Variants in GRM5 observed in about 807,000 individuals in gnomAD.
GRM5 encodes the protein glutamate metabotropic receptor 5.
GRM5 carries 19 observed loss-of-function variants against 83.1 expected under a neutral mutation model. The observed-to-expected ratio is 0.23, with a 90% CI of 0.16 to 0.34. GRM5 has a LOEUF of 0.34. Ranked by LOEUF, GRM5 falls within the 10% of genes least tolerant of loss-of-function variation. The pLI is 1.00. For missense variants in GRM5, 1,160 were observed against 1,588.3 expected (o/e 0.73, Z 4.58); for synonymous variants, 675 against 633.6 (o/e 1.07, Z -0.98).
rs149521427 is a variant in GRM5, at chr11:88,718,208, A to G, written c.912-64805T>C. Among the ~76,000 whole-genome samples the G allele has an allele frequency of 2.0e-3, 306 of 152,036 alleles. 1 individual carries two copies. The highest frequency in any genetic ancestry group is 6.8e-3 in the African/African-American group (283 of 41,540). On this transcript the variant is annotated intron_variant, in intron 3 of 9. Transcript: ENST00000305447. ...TACTCTTTCACAAGTCAATGCCTAT[A>G]TATGTGATTCCATTTGCCTGCAATC...
rs981814526 is a variant in GRM5 at position 89,047,159 on chromosome 11, G to T, written c.661+53C>A. The T allele has an allele frequency of 1.5e-6, 2 of 1,355,108 alleles. No individual in the cohort carries two copies. The highest frequency in any genetic ancestry group is 2.0e-6 in the Non-Finnish European group (2 of 980,510). 83.9% of individuals were successfully genotyped at this position (1,355,108 alleles called of 1,614,324 possible). A position where few individuals can be genotyped will look rare whatever the true frequency, so the allele number is the denominator to read the frequency against. The stretch of plus-strand genomic sequence containing the variant: ...GTTTACTCTTCCCAAACCTGAAATT[G>T]TAACTGTTGAGTGCATAATAATATA... On this transcript the variant is annotated intron_variant, in intron 2 of 9. Transcript: ENST00000305447. This position sits in a 1 kb window ranked among gnomAD's most constrained non-coding sequence, Gnocchi z 5.1.
At chr11:88,619,794 A>G (rs1317876432) in intron 4 of GRM5, among the ~76,000 whole-genome samples, 1 of 152,110 alleles carries the variant, frequency 6.6e-6, no homozygotes, top group East Asian at 1.9e-4. Flanking sequence ...TTCTGTACCC[A>G]TTAGTAAGGA....
chr11:88,896,371 C>T (rs574623787), intron 2 of GRM5, among the ~76,000 whole-genome samples: 12 of 150,200 alleles, frequency 8.0e-5, no homozygotes, highest in South Asian at 6.3e-4. Context: ...GAAAGGGATA[C>T]GAAAAAAAGG....
chr11:88,559,814 G>T (rs1310269695), intron 8 of GRM5, among the ~76,000 whole-genome samples: 1 of 152,164 alleles, frequency 6.6e-6, no homozygotes, highest in Non-Finnish European at 1.5e-5. Flanking sequence ...GTCTAGAGAT[G>T]ATGGTGCAAA....
At chr11:88,816,113 TGAGGCA>T (rs1943673615) in intron 3 of GRM5, among the ~76,000 whole-genome samples, 1 of 142,168 alleles carries the variant, frequency 7.0e-6, no homozygotes, top group East Asian at 2.0e-4. Context: ...CTCGGGAGGC[TGAGGCA>T]GGAGAATGGC....
rs115306344 is a variant in GRM5 at position 88,712,381 on chromosome 11, G to A, written c.912-58978C>T. Among the ~76,000 whole-genome samples, 525 of 152,064 alleles carry A rather than the reference G, an allele frequency of 3.5e-3. 2 individuals carry two copies. The highest frequency in any genetic ancestry group is 0.012 in the African/African-American group (483 of 41,488). ...GAGCCAACATTCTCTGCAGTCTAGGGTGTTTGTTATGGTTTGGTAGAGAAA... is the reference window on the plus strand; with the variant it reads ...GAGCCAACATTCTCTGCAGTCTAGGATGTTTGTTATGGTTTGGTAGAGAAA... On this transcript the variant is annotated intron_variant, in intron 3 of 9. Transcript: ENST00000305447.
intron 2 of GRM5, among the ~76,000 whole-genome samples, chr11:88,878,699 A>G (rs1944899052): frequency 6.6e-6 from 1 of 152,222 alleles, no homozygotes; most frequent in South Asian, 2.1e-4. Context: ...GTCTTTTCCA[A>G]CATGAATGAA....
chr11:88,539,015 A>C (rs308892), intron 8 of GRM5, among the ~76,000 whole-genome samples: 115,859 of 152,168 alleles, frequency 0.76, 44,582 homozygotes, highest in African/African-American at 0.88. Flanking sequence ...TTGGCTTGAG[A>C]CACTGCCTAT....
At chr11:88,745,187 T>C (rs1167767870) in intron 3 of GRM5, among the ~76,000 whole-genome samples, 3 of 29,906 alleles carry the variant, frequency 1.0e-4, no homozygotes, top group Non-Finnish European at 1.9e-4. Context: ...TTTTTTTTTC[T>C]TTTTATTTTT....
chr11:88,943,412 G>T (rs1333349441), intron 2 of GRM5, among the ~76,000 whole-genome samples: 1 of 151,946 alleles, frequency 6.6e-6, no homozygotes, highest in African/African-American at 2.4e-5. Context: ...CTTCTACATA[G>T]AAATGCTCCC....
At chr11:88,539,560 T>C (rs2135128978) in intron 8 of GRM5, among the ~76,000 whole-genome samples, 1 of 152,302 alleles carries the variant, frequency 6.6e-6, no homozygotes, top group East Asian at 1.9e-4. Flanking sequence ...GGCAGGCTTC[T>C]CCCAGATAGC....
intron 2 of GRM5, among the ~76,000 whole-genome samples, chr11:88,900,459 T>C (rs1488448637): frequency 6.6e-6 from 1 of 152,136 alleles, no homozygotes; most frequent in Non-Finnish European, 1.5e-5. Context: ...TTTTAACAGA[T>C]ACAAAAGCAA....
chr11:88,639,126 G>A (rs1460045616), intron 4 of GRM5, among the ~76,000 whole-genome samples: 1 of 151,954 alleles, frequency 6.6e-6, no homozygotes, highest in Non-Finnish European at 1.5e-5. Context: ...ATTGTTTGAG[G>A]TATCTGAACT....
At chr11:88,938,756 C>CT (rs1182573029) in intron 2 of GRM5, among the ~76,000 whole-genome samples, 1 of 151,470 alleles carries the variant, frequency 6.6e-6, no homozygotes. Flanking sequence ...ATTTGAATGT[C>CT]TTTTTTTAAC....
intron 3 of GRM5, among the ~76,000 whole-genome samples, chr11:88,811,316 A>T (rs1483988560): frequency 6.6e-6 from 1 of 152,170 alleles, no homozygotes; most frequent in Non-Finnish European, 1.5e-5. Flanking sequence ...GATACAGAGC[A>T]TTAAAAGCGG....
At chr11:88,635,857 C>T (rs966512899) in intron 4 of GRM5, among the ~76,000 whole-genome samples, 3 of 152,118 alleles carry the variant, frequency 2.0e-5, no homozygotes, top group East Asian at 1.9e-4. Context: ...AGTTGATTCT[C>T]GTCTATGGTG....
intron 3 of GRM5, among the ~76,000 whole-genome samples, chr11:88,799,314 G>T (rs188426837): frequency 6.6e-6 from 1 of 151,678 alleles, no homozygotes; most frequent in East Asian, 1.9e-4. Context: ...AAAGCTAACC[G>T]TTTAACATAG....
intron 2 of GRM5, among the ~76,000 whole-genome samples, chr11:88,901,946 A>G (rs1457805829): frequency 6.6e-6 from 1 of 152,132 alleles, no homozygotes; most frequent in Non-Finnish European, 1.5e-5. Context: ...AGGTTTTTCC[A>G]TAACTCTGGA....
chr11:88,645,416 G>A (rs906023465), intron 4 of GRM5, among the ~76,000 whole-genome samples: 1 of 152,096 alleles, frequency 6.6e-6, no homozygotes, highest in Non-Finnish European at 1.5e-5. Flanking sequence ...GCAAGATTTA[G>A]CATGTACAGA....
Sources: gnomAD v4.1 joint callset for allele counts (sites outside exome capture counted in the v4.1 genomes callset) on GRCh38, gnomAD v4.1.1 for gene constraint, Gnocchi (gnomAD v3.1) non-coding constraint, MANE v1.5 for transcripts, NCBI Gene and HGNC (gene_info 2026-07-23, HGNC 2026-07-21) for gene names.